Variants in MGA observed in about 807,000 individuals in gnomAD.
The protein encoded by MGA is MAX dimerization protein MGA, also known as MAX gene-associated protein.
MGA carries 40 observed loss-of-function variants against 261.1 expected under a neutral mutation model. The observed-to-expected ratio is 0.15, with a 90% confidence interval of 0.12 to 0.20. The LOEUF (loss-of-function observed/expected upper bound fraction) is 0.20, where lower values mean the gene tolerates loss of function less well. Ranked by LOEUF, MGA falls within the 10% of genes least tolerant of loss-of-function variation. The pLI is 1.00. For missense variants in MGA, 3,397 were observed against 3,630.5 expected (o/e 0.94, Z 1.65); for synonymous variants, 1,302 against 1,290.6 (o/e 1.01, Z -0.19).
At chr15:41,735,810 A>AT in intron 12 of MGA, among the ~76,000 whole-genome samples, 1 of 152,274 alleles carries the variant, frequency 6.6e-6, no homozygotes, top group East Asian at 1.9e-4. Context: ...GTTTCAAAGC[A>AT]TCTAGCAAGT....
intron 18 of MGA, 92 bp from the exon 19 acceptor site, chr15:41,757,696 G>C: frequency 1.0e-6 from 1 of 954,490 alleles, no homozygotes; most frequent in South Asian, 1.8e-5. Flanking sequence ...AAAGAAACTG[G>C]TTGTAATTTG....
intron 1 of MGA, among the ~76,000 whole-genome samples, chr15:41,631,048 T>G (rs2056577427): frequency 1.3e-5 from 2 of 152,194 alleles, no homozygotes; most frequent in African/African-American, 4.8e-5. Flanking sequence ...AAAGGCATTC[T>G]TTGCACATGA....
At chr15:41,697,515 C>G (rs2059605311) in intron 3 of MGA, among the ~76,000 whole-genome samples, 1 of 150,182 alleles carries the variant, frequency 6.7e-6, no homozygotes, top group African/African-American at 2.5e-5. Context: ...CTCCCGAGTT[C>G]AAGCCATTCT....
At chr15:41,653,013 A>G (rs911514939) in intron 1 of MGA, among the ~76,000 whole-genome samples, 1 of 152,212 alleles carries the variant, frequency 6.6e-6, no homozygotes, top group Non-Finnish European at 1.5e-5. Flanking sequence ...TTTGCACCGC[A>G]TTCAAGTTGC....
At chr15:41,622,086 C>G (rs550727385) in intron 1 of MGA, among the ~76,000 whole-genome samples, 1 of 152,132 alleles carries the variant, frequency 6.6e-6, no homozygotes. Context: ...CTGCGCCGGC[C>G]TGTGGTTTTC....
upstream of MGA, among the ~76,000 whole-genome samples, chr15:41,657,280 A>G (rs923273987): frequency 6.8e-6 from 1 of 147,266 alleles, no homozygotes; most frequent in Non-Finnish European, 1.5e-5. Flanking sequence ...GGAGTTGTCT[A>G]TGATTCTCTT....
intron 1 of MGA, among the ~76,000 whole-genome samples, chr15:41,638,435 A>G (rs921732582): frequency 6.7e-6 from 1 of 150,370 alleles, no homozygotes; most frequent in Non-Finnish European, 1.5e-5. Context: ...TCATGATCAT[A>G]TCTCACTGCA....
intron 2 of MGA, among the ~76,000 whole-genome samples, chr15:41,683,061 GCCTC>G (rs1472986816): frequency 2.6e-5 from 4 of 152,008 alleles, no homozygotes; most frequent in African/African-American, 9.7e-5. Flanking sequence ...ATGTGTTGTT[GCCTC>G]CCGGTTTCCT....
rs199562851 is a variant in MGA, at chr15:41,767,188, G to A, written c.9106G>A (p.Glu3036Lys). 2.6e-5 allele frequency: 42 copies of A among 1,613,898 alleles called. No individual in the cohort carries two copies. The African/African-American group carries it at 5.5e-4, about 21-fold the overall frequency. The change falls in exon 24 of 24, where the codon GAA becomes AAA. Residue 3036 changes from glutamate to lysine, a missense_variant. By Grantham distance (56) the Glu-to-Lys change is moderately conservative (BLOSUM62 1). This residue lies in a region of MGA where 647 missense variants were observed against 642.4 expected (regional missense o/e 1.01). Transcript: ENST00000219905. ...AATGAACTTAACAGGGAATGACCAG[G>A]AAGGCCGGGAAAGCAAGGTGATGCC...
chr15:41,735,904 C>T lies in MGA; in HGVS notation c.3917-277C>T, dbSNP rs2061752861. On this transcript the variant is annotated intron_variant, in intron 12 of 23. Transcript: ENST00000219905. ...TTGGTTGTAGGTCATGGTTTGTTTG[C>T]AAGCTAACTCTAATGTAATAATTGT... is the stretch of plus-strand genomic sequence containing the variant. Among the ~76,000 whole-genome samples the T allele has an allele frequency of 3.3e-5, 5 of 152,122 alleles. No homozygotes were observed. In the South Asian group the frequency reaches 1.0e-3, roughly 32 times the overall value.
intron 1 of MGA, among the ~76,000 whole-genome samples, chr15:41,640,462 C>T (rs1035723047): frequency 1.1e-4 from 17 of 152,058 alleles, no homozygotes; most frequent in Non-Finnish European, 2.1e-4. Flanking sequence ...TAAGATTGTA[C>T]ATCATTTGAA....
chr15:41,764,837 C>T (rs763800891), intron 22 of MGA, 49 bp from the exon 23 acceptor site: 1 of 1,587,070 alleles, frequency 6.3e-7, no homozygotes, highest in Non-Finnish European at 8.6e-7. Context: ...AGCCACCACA[C>T]CCAGCTGAAT....
rs1732875844 is a variant in MGA, at chr15:41,765,181, G to A, written c.7921+119G>A. The A allele has an allele frequency of 4.1e-6, 5 of 1,213,704 alleles. No homozygotes were observed. The South Asian group carries it at 4.1e-5, about 10-fold the overall frequency. The allele number at this position is 1,213,704 out of a possible 1,614,324, so 75.2% of individuals were successfully genotyped here. On this transcript the variant is annotated intron_variant, in intron 23 of 23. Coordinates refer to ENST00000219905, the MANE Select transcript of MGA (RefSeq NM_001164273.2). ...ATAAAGAGCTATTCTGTTGGCATTT[G>A]CCTTGGTAAGAGGTGGCCCTATTTT...
At chr15:41,693,174 A>G (rs891438021) in intron 2 of MGA, among the ~76,000 whole-genome samples, 11 of 151,876 alleles carry the variant, frequency 7.2e-5, no homozygotes, top group African/African-American at 2.7e-4. Context: ...TATTATTATT[A>G]TACTTGAAGT....
intron 19 of MGA, among the ~76,000 whole-genome samples, chr15:41,759,219 T>G (rs2063314937): frequency 6.6e-6 from 1 of 152,174 alleles, no homozygotes; most frequent in African/African-American, 2.4e-5. Flanking sequence ...GATAAGATGG[T>G]AAGACATAAG....
At chr15:41,719,030 T>G (rs545907959) in intron 9 of MGA, among the ~76,000 whole-genome samples, 115 of 152,260 alleles carry the variant, frequency 7.6e-4, no homozygotes, top group African/African-American at 2.7e-3. Flanking sequence ...ACTAGAACTG[T>G]AAGTCAGTTT....
intron 1 of MGA, among the ~76,000 whole-genome samples, chr15:41,650,796 A>G (rs563793801): frequency 6.6e-6 from 1 of 152,278 alleles, no homozygotes; most frequent in Admixed American, 6.5e-5. Context: ...GTAGGGATCT[A>G]AATGTTCAAA....
chr15:41,686,791 G>C (rs1163754526), intron 2 of MGA, among the ~76,000 whole-genome samples: 1 of 152,026 alleles, frequency 6.6e-6, no homozygotes, highest in Non-Finnish European at 1.5e-5. Context: ...TTGATTTAGA[G>C]GGGAGGGGTG....
intron 11 of MGA, among the ~76,000 whole-genome samples, chr15:41,733,519 G>T (rs1175147548): frequency 1.3e-5 from 2 of 152,094 alleles, no homozygotes; most frequent in Non-Finnish European, 2.9e-5. Context: ...CTCCACCTTC[G>T]CTTGTACTGC....
Sources: allele counts gnomAD v4.1 joint callset (sites outside exome capture counted in the v4.1 genomes callset), GRCh38; gene constraint gnomAD v4.1.1; regional missense constraint gnomAD v4.1.1; transcripts MANE v1.5; gene names NCBI Gene and HGNC (gene_info 2026-07-23, HGNC 2026-07-21).